KIAA0586: variants seen among roughly 807,000 people sequenced by gnomAD.
The protein encoded by KIAA0586 is protein TALPID3.
A neutral mutation model predicts 169.8 loss-of-function variants in KIAA0586; 144 were observed. The observed-to-expected ratio is 0.85, with a 90% CI of 0.74 to 0.97. The LOEUF (loss-of-function observed/expected upper bound fraction) is 0.97, where lower values mean the gene tolerates loss of function less well. KIAA0586 is among the 50% of genes least tolerant of loss of function. The pLI, the probability that KIAA0586 is intolerant of heterozygous loss-of-function variation, is 0.00. For synonymous variants in KIAA0586, 625 were observed against 612.4 expected (o/e 1.02, Z -0.30); for missense variants, 1,854 against 1,823.0 (o/e 1.02, Z -0.31).
intron 22 of KIAA0586, 55 bp from the exon 23 acceptor site, chr14:58,487,832 T>C (rs1338468140): frequency 7.0e-6 from 8 of 1,149,864 alleles, no homozygotes; most frequent in Admixed American, 2.0e-5. Context: ...TGCCATCCTA[T>C]GGAGTTCTTT....
At chr14:58,490,437 T>C (rs182911874) in intron 25 of KIAA0586, among the ~76,000 whole-genome samples, 197 bp downstream of exon 25, 1 of 152,194 alleles carries the variant, frequency 6.6e-6, no homozygotes, top group African/African-American at 2.4e-5. Context: ...AAAGTTATTA[T>C]TAACCCTCGT....
intron 30 of KIAA0586, chr14:58,543,985 C>T (rs1242311198): frequency 4.5e-6 from 2 of 442,428 alleles, no homozygotes; most frequent in Non-Finnish European, 9.0e-6. Context: ...GCCTAGTACC[C>T]AATAGTTATT....
At chr14:58,459,811 T>A in intron 12 of KIAA0586, 32 bp from the exon 13 acceptor site, 9 of 1,194,668 alleles carry the variant, frequency 7.5e-6, no homozygotes, top group Non-Finnish European at 1.0e-5. Flanking sequence ...TTTGTAGACA[T>A]TTTAAGTAAT....
chr14:58,495,798 A>G (rs562480161), intron 26 of KIAA0586, among the ~76,000 whole-genome samples: 3 of 152,260 alleles, frequency 2.0e-5, no homozygotes, highest in South Asian at 4.1e-4. Context: ...TAATCAAACT[A>G]TACTAGGTAT....
At position 58,430,711 on chromosome 14, in the gene KIAA0586, CA is replaced by C; in HGVS notation, c.339del (p.Ala114GlnfsTer17). Reference protein sequence around the residue: ...PLDKIEENNKQKANDIFISQY... With the variant: ...PLDKIEENNKXKANDIFISQY... ...GGATAAAATAGAAGAGAACAACAAG[CA>C]AAAAGGTAAAAGAATAATATTGATT... On this transcript the variant is annotated frameshift_variant, in exon 3 of 31. Coordinates refer to ENST00000652326, the MANE Select transcript of KIAA0586 (RefSeq NM_001329943.3). LOFTEE classifies it high-confidence loss of function. 1.3e-6 allele frequency: 2 copies of C among 1,568,634 alleles called. No individual in the cohort carries two copies. Among genetic ancestry groups the C allele is most frequent in the Non-Finnish European group, 1.7e-6 (2 of 1,145,504 alleles).
chr14:58,513,004 T>C (rs1166196212), intron 29 of KIAA0586, among the ~76,000 whole-genome samples: 1 of 152,086 alleles, frequency 6.6e-6, no homozygotes, highest in East Asian at 1.9e-4. Flanking sequence ...CATTATTTAG[T>C]GCGTGGTGGT....
chr14:58,451,167 T>G (rs924659536), intron 8 of KIAA0586, among the ~76,000 whole-genome samples: 1 of 151,960 alleles, frequency 6.6e-6, no homozygotes, highest in African/African-American at 2.4e-5. Flanking sequence ...TTTTTTGTAT[T>G]TTTAGTAAAG....
At chr14:58,525,295 T>C (rs948000318) in intron 29 of KIAA0586, among the ~76,000 whole-genome samples, 1 of 151,966 alleles carries the variant, frequency 6.6e-6, no homozygotes, top group Non-Finnish European at 1.5e-5. Flanking sequence ...AACAATTCCA[T>C]TGTGCAGCTC....
intron 29 of KIAA0586, among the ~76,000 whole-genome samples, chr14:58,514,356 G>A (rs2044603712): frequency 6.6e-6 from 1 of 151,984 alleles, no homozygotes; most frequent in African/African-American, 2.4e-5. Flanking sequence ...AAACCTTGAA[G>A]ATAATGAAGG....
intron 4 of KIAA0586, among the ~76,000 whole-genome samples, chr14:58,437,237 A>G (rs540428669): frequency 2.7e-4 from 41 of 152,262 alleles, no homozygotes; most frequent in African/African-American, 9.4e-4. Context: ...TTAATTAGAT[A>G]TGAGGGTAAG....
At chr14:58,427,634 T>C (rs2036926991), upstream of KIAA0586, 2 of 1,535,484 alleles carry the variant, frequency 1.3e-6, no homozygotes, top group African/African-American at 1.4e-5. Context: ...GTTGGATGTT[T>C]TGGGTGAGTT....
In KIAA0586 at chr14:58,549,179, A is replaced by G. The variant is rs2047141958; in HGVS notation, c.*1247A>G. ...ACTGAATTTCAAACACACAGTAATT[A>G]CAGTCATCCTTGACTTTTTCAGCAT... On this transcript the variant is annotated 3_prime_UTR_variant, in exon 31 of 31. Coordinates refer to ENST00000652326, the MANE Select transcript of KIAA0586 (RefSeq NM_001329943.3). 1 of 152,222 alleles carries G rather than the reference A, an allele frequency of 6.6e-6. No homozygotes were observed. The highest frequency in any genetic ancestry group is 6.5e-5 in the Admixed American group (1 of 15,282). The allele number at this position is 152,222 out of a possible 1,614,324, so 9.4% of individuals were successfully genotyped here. A position where few individuals can be genotyped will look rare whatever the true frequency, so the allele number is the denominator to read the frequency against.
downstream of KIAA0586, among the ~76,000 whole-genome samples, chr14:58,551,832 T>G (rs1032451251): frequency 2.6e-5 from 4 of 152,164 alleles, no homozygotes; most frequent in Non-Finnish European, 4.4e-5. Context: ...GATGCTGTGG[T>G]ATTTCCTTAT....
At chr14:58,495,085 A>G (rs528995102) in intron 26 of KIAA0586, among the ~76,000 whole-genome samples, 100 of 151,930 alleles carry the variant, frequency 6.6e-4, no homozygotes, top group African/African-American at 2.4e-3. Flanking sequence ...TAGTTCTCAG[A>G]ATCTATGGGT....
chr14:58,474,560 G>A (rs755643670), intron 18 of KIAA0586, 47 bp from the exon 19 acceptor site: 3 of 1,355,592 alleles, frequency 2.2e-6, no homozygotes, highest in Non-Finnish European at 3.0e-6. Flanking sequence ...CTCAGTAAAT[G>A]TTGAACAAAT....
chr14:58,547,942 GAC>G lies in KIAA0586; in HGVS notation c.*12_*13del. On this transcript the variant is annotated 3_prime_UTR_variant, in exon 31 of 31. Coordinates refer to ENST00000652326, the MANE Select transcript of KIAA0586 (RefSeq NM_001329943.3). ...GGCAGATACCTTCTGAACGGGAAGA[GAC>G]AGCCAGCACAGTGTTTATGCCACTG... The G allele has an allele frequency of 9.9e-6, 16 of 1,613,304 alleles. No homozygotes were observed. Among genetic ancestry groups the G allele is most frequent in the Non-Finnish European group, 1.4e-5 (16 of 1,179,546 alleles).
At position 58,450,758 on chromosome 14, in the gene KIAA0586, T is replaced by A. The variant is rs1305256145; in HGVS notation, c.1129+12T>A. 6.5e-7 allele frequency: 1 copy of A among 1,548,568 alleles called. No homozygotes were observed. The highest frequency in any genetic ancestry group is 1.7e-5 in the Admixed American group (1 of 58,046). On this transcript the variant is annotated intron_variant, in intron 8 of 30. Transcript: ENST00000652326. ...GTCGTGTCACAGAGGTAATAGAGAC[T>A]TTTACTAGACCTATCCCAAATTAGG...
Position 58,482,583 on chromosome 14 carries a change from T to G in KIAA0586, c.3015T>G (p.Ile1005Met), listed in dbSNP as rs2042111469. ...GTGTTCCTGTGAACTCAAATGTGAT[T>G]AAACATTTTGTTAACGAAGCTCTTG... ...DAGVPVNSNVIKHFVNEALAE... is the reference protein window; with the variant it reads ...DAGVPVNSNVMKHFVNEALAE... The change falls in exon 21 of 31, where the codon ATT (isoleucine) becomes ATG (methionine). Residue 1005 changes from isoleucine (I) to methionine (M), a missense_variant. Transcript: ENST00000652326. 6.2e-7 allele frequency: 1 copy of G among 1,605,204 alleles called. No individual in the cohort carries two copies. The highest frequency in any genetic ancestry group is 1.3e-5 in the African/African-American group (1 of 74,480).
intron 24 of KIAA0586, among the ~76,000 whole-genome samples, chr14:58,489,810 AT>A (rs34612922): frequency 0.98 from 148,107 of 151,670 alleles, 72,409 homozygotes; most frequent in Non-Finnish European, 1. Flanking sequence ...TCTAGAAAGG[AT>A]TTTTTTTTTC....
Sources: gnomAD v4.1 joint callset for allele counts (sites outside exome capture counted in the v4.1 genomes callset) on GRCh38, gnomAD v4.1.1 for gene constraint, MANE v1.5 for transcripts, NCBI Gene and HGNC (gene_info 2026-07-23, HGNC 2026-07-21) for gene names.